The following ADAM33 variants were observed in gnomAD, a reference collection of about 807,000 sequenced individuals.
ADAM33 encodes the protein ADAM metallopeptidase domain 33.
ADAM33 carries 103 observed loss-of-function variants against 106.2 expected under a neutral mutation model. That is an observed-to-expected ratio of 0.97 (90% CI 0.83 to 1.14). ADAM33 has a LOEUF of 1.14. Among genes scored for constraint, ADAM33 ranks in the 50% most tolerant of loss-of-function variants. The pLI, the probability that ADAM33 is intolerant of heterozygous loss-of-function variation, is 0.00. For missense variants in ADAM33, 1,120 were observed against 1,096.6 expected (o/e 1.02, Z -0.30); for synonymous variants, 483 against 453.0 (o/e 1.07, Z -0.84).
At chr20:3,679,862 G>A (rs1016726648) in intron 1 of ADAM33, among the ~76,000 whole-genome samples, 2 of 152,172 alleles carry the variant, frequency 1.3e-5, no homozygotes, top group African/African-American at 4.8e-5. Context: ...TGGGCTCGGC[G>A]ATCACAAGGA....
chr20:3,680,225 C>A (rs897118826), intron 1 of ADAM33, among the ~76,000 whole-genome samples: 1 of 147,432 alleles, frequency 6.8e-6, no homozygotes, highest in Non-Finnish European at 1.5e-5. Flanking sequence ...ACTCAGAGGG[C>A]GCCTGGAATG....
At position 3,681,966 on chromosome 20, in the gene ADAM33, C is replaced by A; in HGVS notation, c.39G>T (p.Leu13Phe). Residue 13 changes from leucine (L) to phenylalanine (F), a missense_variant, in exon 1 of 22, where the codon TTG becomes TTT. Physicochemically the swap from Leu to Phe is conservative, Grantham distance 22 (BLOSUM62 0). Transcript: ENST00000356518. ...WRPRRARGTP[L>F]LLLLLLLLLW... ...GCAGCAGCAGTAGTAGCAGCAGCAG[C>A]AACGGGGTCCCCCGAGCTCTCCGGG... is the stretch of plus-strand genomic sequence containing the variant. 1 of 1,552,758 alleles carries A rather than the reference C, an allele frequency of 6.4e-7. No individual in the cohort carries two copies. Among genetic ancestry groups the A allele is most frequent in the Non-Finnish European group, 8.7e-7 (1 of 1,149,790 alleles).
At chr20:3,681,165 C>T (rs574891397) in intron 1 of ADAM33, among the ~76,000 whole-genome samples, 2 of 152,172 alleles carry the variant, frequency 1.3e-5, no homozygotes, top group East Asian at 1.9e-4. Flanking sequence ...TCCCTGTTCC[C>T]GGCCAGGCAC....
At chr20:3,680,458 C>T (rs1028072476) in intron 1 of ADAM33, among the ~76,000 whole-genome samples, 2 of 152,208 alleles carry the variant, frequency 1.3e-5, no homozygotes, top group Non-Finnish European at 2.9e-5. Context: ...TGCTAGGCCA[C>T]CCCAACTCCT....
In ADAM33 at chr20:3,669,641, A is replaced by C. The variant is rs199674424; in HGVS notation, c.2241-4T>G. On this transcript the variant is annotated splice_polypyrimidine_tract_variant and splice_region_variant and intron_variant, in intron 19 of 21. Transcript: ENST00000356518. ...CCTGTGTGGGCCATCTTTGGGGCTG[A>C]GCAACGTGATAAGAGTCCAGGAGGT... 2.6e-5 allele frequency: 42 copies of C among 1,598,970 alleles called. No homozygotes were observed. In the East Asian group the frequency reaches 9.5e-4, roughly 36 times the overall value.
chr20:3,671,512 C>T lies in ADAM33; in HGVS notation c.1906-16G>A. 1.9e-6 allele frequency: 3 copies of T among 1,609,888 alleles called. No individual in the cohort carries two copies. Among genetic ancestry groups the T allele is most frequent in the Non-Finnish European group, 2.5e-6 (3 of 1,177,376 alleles). On this transcript the variant is annotated splice_polypyrimidine_tract_variant and intron_variant, in intron 16 of 21. Transcript: ENST00000356518. ...TCTGGCACACCTACGGGCAGTGCAC[C>T]AGGCAGTGAGGGGGACACTGGCCTG... is the stretch of plus-strand genomic sequence containing the variant.
At position 3,679,631 on chromosome 20, in the gene ADAM33, A is replaced by G. The variant is rs899848579; in HGVS notation, c.98-60T>C. 6 of 1,471,176 alleles carry G rather than the reference A, an allele frequency of 4.1e-6. No individual in the cohort carries two copies. The African/African-American group carries it at 8.4e-5, about 20-fold the overall frequency. 91.1% of individuals were successfully genotyped at this position (1,471,176 alleles called of 1,614,324 possible). A position where few individuals can be genotyped will look rare whatever the true frequency, so the allele number is the denominator to read the frequency against. ...CTGAGGAACACAGGGGCATGGGACA[A>G]AGCAGAGGGAGGGGGGTAGAGGACA... On this transcript the variant is annotated intron_variant, in intron 1 of 21. Transcript: ENST00000356518.
intron 2 of ADAM33, 152 bp from the exon 3 acceptor site, chr20:3,677,295 G>A (rs926893232): frequency 4.9e-5 from 29 of 596,688 alleles, no homozygotes; most frequent in South Asian, 1.5e-4. Flanking sequence ...TATGGAGGGC[G>A]TGGAGGAGGT....
chr20:3,675,169 C>A lies in ADAM33; in HGVS notation c.255-64G>T. 7.8e-7 allele frequency: 1 copy of A among 1,280,888 alleles called. No individual in the cohort carries two copies. Among genetic ancestry groups the A allele is most frequent in the Admixed American group, 1.9e-5 (1 of 51,608 alleles). 79.3% of individuals were successfully genotyped at this position (1,280,888 alleles called of 1,614,324 possible). ...CCTCCTGCCTCCTCCAGGATGTCTC[C>A]CAGCCTTCCTCCCTAAATGCTAATG... On this transcript the variant is annotated intron_variant, in intron 3 of 21. Coordinates refer to ENST00000356518, the MANE Select transcript of ADAM33 (RefSeq NM_025220.5). This position sits in a 1 kb window ranked among gnomAD's most constrained non-coding sequence, Gnocchi z 4.1.
At chr20:3,678,873 G>A in intron 2 of ADAM33, among the ~76,000 whole-genome samples, 1 of 152,202 alleles carries the variant, frequency 6.6e-6, no homozygotes, top group South Asian at 2.1e-4. Flanking sequence ...AACAGATGGG[G>A]CATGGTTATT....
In ADAM33 at chr20:3,673,888, C is replaced by A. The variant is rs2087749785; in HGVS notation, c.762G>T (p.Gln254His). ...VDQLLRTLDI[Q>H]VALTGLEVWT... ...ACACCTCCAGGCCGGTCAGCGCCAC[C>A]TGAATGTCCAGAGTCCTGAGAAGCT... Residue 254 changes from glutamine (Q) to histidine (H), a missense_variant, in exon 9 of 22, where the codon CAG (glutamine) becomes CAT (histidine). Coordinates refer to ENST00000356518, the MANE Select transcript of ADAM33 (RefSeq NM_025220.5). 1.9e-6 allele frequency: 3 copies of A among 1,563,634 alleles called. No individual in the cohort carries two copies. The highest frequency in any genetic ancestry group is 8.6e-7 in the Non-Finnish European group (1 of 1,161,826).
chr20:3,681,518 G>A (rs1047297782), intron 1 of ADAM33, among the ~76,000 whole-genome samples: 57 of 152,172 alleles, frequency 3.7e-4, no homozygotes, highest in African/African-American at 1.3e-3. Flanking sequence ...AGTCCTAAGG[G>A]GTGGAGGAGC....
At chr20:3,679,936 T>C (rs1243741450) in intron 1 of ADAM33, among the ~76,000 whole-genome samples, 2 of 152,208 alleles carry the variant, frequency 1.3e-5, no homozygotes, top group African/African-American at 4.8e-5. Flanking sequence ...GATTTTTAGA[T>C]GGGCAGCAGA....
In ADAM33 at chr20:3,672,531, C is replaced by G. The variant is rs770932998; in HGVS notation, c.1401+6G>C. On this transcript the variant is annotated splice_donor_region_variant and intron_variant, in intron 13 of 21. Coordinates refer to ENST00000356518, the MANE Select transcript of ADAM33 (RefSeq NM_025220.5). ...AACCCTCACCCTGAACCTTCCATGCCCTCACCAGGCAGCGCACGCAGCAGT... is the reference window on the plus strand; with the variant it reads ...AACCCTCACCCTGAACCTTCCATGCGCTCACCAGGCAGCGCACGCAGCAGT... 1 of 1,612,962 alleles carries G rather than the reference C, an allele frequency of 6.2e-7. No individual in the cohort carries two copies. Among genetic ancestry groups the G allele is most frequent in the South Asian group, 1.1e-5 (1 of 91,010 alleles).
At position 3,671,513 on chromosome 20, in the gene ADAM33, A is replaced by G. The variant is rs1185574342; in HGVS notation, c.1906-17T>C. On this transcript the variant is annotated splice_polypyrimidine_tract_variant and intron_variant, in intron 16 of 21. Coordinates refer to ENST00000356518, the MANE Select transcript of ADAM33 (RefSeq NM_025220.5). Reference sequence around the variant, plus strand: ...CTGGCACACCTACGGGCAGTGCACCAGGCAGTGAGGGGGACACTGGCCTGC... The same window carrying G: ...CTGGCACACCTACGGGCAGTGCACCGGGCAGTGAGGGGGACACTGGCCTGC... The G allele has an allele frequency of 8.7e-6, 14 of 1,609,792 alleles. No individual in the cohort carries two copies. The highest frequency in any genetic ancestry group is 1.2e-5 in the Non-Finnish European group (14 of 1,177,336).
chr20:3,680,273 C>A (rs2088369232), intron 1 of ADAM33, among the ~76,000 whole-genome samples: 1 of 152,078 alleles, frequency 6.6e-6, no homozygotes, highest in East Asian at 1.9e-4. Context: ...CTGGCCCCAA[C>A]CACTCTCACA....
At chr20:3,670,540 T>G in intron 19 of ADAM33, 3 of 164,084 alleles carry the variant, frequency 1.8e-5, no homozygotes, top group Non-Finnish European at 4.0e-5. Context: ...TGGTATGGAG[T>G]GAAAAGATGT....
chr20:3,671,576 C>T lies in ADAM33; in HGVS notation c.1905+5G>A. On this transcript the variant is annotated splice_donor_5th_base_variant and intron_variant, in intron 16 of 21. Transcript: ENST00000356518. ...GCAAGGAGGGGTCGGGTGGGCAGAG[C>T]TCACCATTCTAGGTCCACACTGGGT... 1 of 1,599,866 alleles carries T rather than the reference C, an allele frequency of 6.3e-7. No homozygotes were observed. The highest frequency in any genetic ancestry group is 8.5e-7 in the Non-Finnish European group (1 of 1,173,228).
In ADAM33 at chr20:3,681,969, C is replaced by G; in HGVS notation, c.36G>C (p.Pro12=). ...GCAGCAGTAGTAGCAGCAGCAGCAA[C>G]GGGGTCCCCCGAGCTCTCCGGGGCC... ...GWRPRRARGT[P]LLLLLLLLLL... The change falls in exon 1 of 22, where the codon CCG becomes CCC. Residue 12 remains proline (P), a synonymous_variant. Transcript: ENST00000356518. 1 of 1,548,914 alleles carries G rather than the reference C, an allele frequency of 6.5e-7. No homozygotes were observed. The highest frequency in any genetic ancestry group is 2.0e-5 in the Admixed American group (1 of 50,826).
Sources: allele counts gnomAD v4.1 joint callset (sites outside exome capture counted in the v4.1 genomes callset), GRCh38; gene constraint gnomAD v4.1.1; non-coding constraint Gnocchi (gnomAD v3.1); transcripts MANE v1.5; gene names NCBI Gene and HGNC (gene_info 2026-07-23, HGNC 2026-07-21).